Variants in IQCH observed in about 807,000 individuals in gnomAD.
IQCH encodes the protein IQ domain-containing protein H.
In IQCH, 98 loss-of-function variants were observed where a neutral mutation model predicts 117.0. The ratio of observed to expected loss-of-function variants is 0.84; its 90% CI spans 0.71 to 0.99. IQCH has a LOEUF of 0.99. Ranked by LOEUF, IQCH falls within the 50% of genes least tolerant of loss-of-function variation. IQCH has a pLI of 0.00. For missense variants in IQCH, 1,102 were observed against 1,243.8 expected, an observed-to-expected ratio of 0.89 and a Z score of 1.72; for synonymous variants, 412 against 448.2, an observed-to-expected ratio of 0.92 and a Z score of 1.02.
chr15:67,442,490 C>T (rs1478603180), intron 16 of IQCH, among the ~76,000 whole-genome samples: 1 of 151,860 alleles, frequency 6.6e-6, no homozygotes, highest in Non-Finnish European at 1.5e-5. Context: ...TACCACCTTA[C>T]TCCTGCAAGA....
Position 67,500,820 on chromosome 15 carries a change from TA to T in IQCH, c.*78del. The T allele has an allele frequency of 1.4e-6, 1 of 696,444 alleles. No individual in the cohort carries two copies. Among genetic ancestry groups the T allele is most frequent in the Non-Finnish European group, 2.4e-6 (1 of 422,754 alleles). The allele number at this position is 696,444 out of a possible 1,614,324, so 43.1% of individuals were successfully genotyped here. On this transcript the variant is annotated 3_prime_UTR_variant, in exon 21 of 21. Coordinates refer to ENST00000335894, the MANE Select transcript of IQCH (RefSeq NM_001031715.3). The surrounding 1 kb of genome is among the most constrained non-coding windows in gnomAD (Gnocchi z 4.4). ...GGGCAATTTTTTTTTCTGTTAGAAA[TA>T]AAAGCCAGGGGAAATTGGTTTGCTT... is the stretch of plus-strand genomic sequence containing the variant.
chr15:67,281,255 G>C (rs1567061452), intron 4 of IQCH, among the ~76,000 whole-genome samples: 1 of 152,106 alleles, frequency 6.6e-6, no homozygotes, highest in Non-Finnish European at 1.5e-5. Flanking sequence ...TGGGCCATAG[G>C]CTCTTGACCT....
chr15:67,454,352 G>A lies in IQCH; in HGVS notation c.2506-10775G>A, dbSNP rs565794189. Among the ~76,000 whole-genome samples, 17 of 152,312 alleles carry A rather than the reference G, an allele frequency of 1.1e-4. No homozygotes were observed. Among genetic ancestry groups the A allele is most frequent in the Admixed American group, 7.8e-4 (12 of 15,304 alleles). ...TGGGAGCTGTAGACCGGAGCTGTTC[G>A]TATTCGGCCATCTTGGCTCTGGTCT... is the stretch of plus-strand genomic sequence containing the variant. On this transcript the variant is annotated intron_variant, in intron 16 of 20. Coordinates refer to ENST00000335894, the MANE Select transcript of IQCH (RefSeq NM_001031715.3). This position sits in a 1 kb window ranked among gnomAD's most constrained non-coding sequence, Gnocchi z 5.2.
intron 18 of IQCH, among the ~76,000 whole-genome samples, chr15:67,482,627 T>C (rs1162929776): frequency 6.6e-6 from 1 of 152,236 alleles, no homozygotes; most frequent in Non-Finnish European, 1.5e-5. Context: ...TTTGCAAGTT[T>C]ACTAGCAAAA....
chr15:67,330,298 A>C (rs1968608218), intron 4 of IQCH, among the ~76,000 whole-genome samples: 1 of 152,218 alleles, frequency 6.6e-6, no homozygotes, highest in South Asian at 2.1e-4. Context: ...GATCCTTTAC[A>C]TAAAAATTAC....
At chr15:67,423,587 CAAA>C (rs551556730) in intron 16 of IQCH, among the ~76,000 whole-genome samples, 7 of 76,760 alleles carry the variant, frequency 9.1e-5, no homozygotes, top group Admixed American at 1.4e-4. Flanking sequence ...GAACCTGTCT[CAAA>C]AAAAAAAAAA....
chr15:67,343,502 T>C (rs1969258456), intron 5 of IQCH, among the ~76,000 whole-genome samples: 1 of 152,244 alleles, frequency 6.6e-6, no homozygotes, highest in Admixed American at 6.5e-5. Flanking sequence ...GAATTGTAAA[T>C]TAGTTACATT....
intron 10 of IQCH, among the ~76,000 whole-genome samples, chr15:67,383,714 T>A (rs1476843227): frequency 6.6e-6 from 1 of 152,188 alleles, no homozygotes; most frequent in African/African-American, 2.4e-5. Context: ...TATATTAGCT[T>A]TTATATGTGG....
At position 67,456,181 on chromosome 15, in the gene IQCH, C is replaced by T. The variant is rs2082653565; in HGVS notation, c.2506-8946C>T. Among the ~76,000 whole-genome samples, 1 of 151,974 alleles carries T rather than the reference C, an allele frequency of 6.6e-6. No homozygotes were observed. Among genetic ancestry groups the T allele is most frequent in the South Asian group, 2.1e-4 (1 of 4,824 alleles). On this transcript the variant is annotated intron_variant, in intron 16 of 20. Transcript: ENST00000335894. This position sits in a 1 kb window ranked among gnomAD's most constrained non-coding sequence, Gnocchi z 5.1. ...TTTACAAAGGTGAAAAGTATAAATA[C>T]AGCTGCCGATGATGAAAGTTTAAGT...
Position 67,426,278 on chromosome 15 carries a change from T to G in IQCH, c.2505+4701T>G, listed in dbSNP as rs368548625. On this transcript the variant is annotated intron_variant, in intron 16 of 20. Coordinates refer to ENST00000335894, the MANE Select transcript of IQCH (RefSeq NM_001031715.3). The surrounding 1 kb of genome is among the most constrained non-coding windows in gnomAD (Gnocchi z 5.1). ...ACATATATGCATATAAACACACATA[T>G]GTACATATACATACATCTGTGCATC... Among the ~76,000 whole-genome samples, 1 of 152,310 alleles carries G rather than the reference T, an allele frequency of 6.6e-6. No individual in the cohort carries two copies. Among genetic ancestry groups the G allele is most frequent in the African/African-American group, 2.4e-5 (1 of 41,566 alleles).
intron 5 of IQCH, among the ~76,000 whole-genome samples, chr15:67,339,507 C>T (rs1596212951): frequency 2.0e-5 from 3 of 152,258 alleles, no homozygotes; most frequent in African/African-American, 7.2e-5. Flanking sequence ...AATTTATTTT[C>T]ATGTCTATAG....
intron 4 of IQCH, among the ~76,000 whole-genome samples, chr15:67,299,044 A>G (rs1042542839): frequency 4.6e-5 from 7 of 151,478 alleles, no homozygotes; most frequent in Admixed American, 2.0e-4. Flanking sequence ...AATAAAGAAA[A>G]TGTGGCACTT....
intron 18 of IQCH, among the ~76,000 whole-genome samples, chr15:67,483,674 C>T (rs2083398203): frequency 6.6e-6 from 1 of 152,176 alleles, no homozygotes; most frequent in Non-Finnish European, 1.5e-5. Flanking sequence ...ATCCGCCCGC[C>T]TCGGCCTCCC....
intron 4 of IQCH, among the ~76,000 whole-genome samples, chr15:67,324,904 T>A (rs1340855663): frequency 6.6e-6 from 1 of 152,090 alleles, no homozygotes; most frequent in African/African-American, 2.4e-5. Flanking sequence ...TTTGTGTTTA[T>A]TCTGCTTGGG....
At chr15:67,347,155 A>G (rs55962710) in intron 6 of IQCH, among the ~76,000 whole-genome samples, 67,871 of 150,482 alleles carry the variant, frequency 0.45, 15,800 homozygotes, top group Non-Finnish European at 0.52. Context: ...AGCAAGCAGC[A>G]GATGGAAATA....
intron 3 of IQCH, among the ~76,000 whole-genome samples, chr15:67,274,158 A>G (rs1212677862): frequency 1.3e-5 from 2 of 152,072 alleles, no homozygotes; most frequent in African/African-American, 2.4e-5. Flanking sequence ...ATTTGGGTTG[A>G]ATCTATTTGG....
chr15:67,373,514 G>A, intron 10 of IQCH, 81 bp downstream of exon 10: 1 of 948,936 alleles, frequency 1.1e-6, no homozygotes. Flanking sequence ...TTCAAGGAAG[G>A]CCCCTTGTTT....
rs1969884811 is a variant in IQCH at position 67,356,221 on chromosome 15, T to C, written c.638-1124T>C. 6.6e-6 allele frequency among the ~76,000 whole-genome samples: 1 copy of C among 152,126 alleles called. No homozygotes were observed. Among genetic ancestry groups the C allele is most frequent in the African/African-American group, 2.4e-5 (1 of 41,418 alleles). On this transcript the variant is annotated intron_variant, in intron 6 of 20. Transcript: ENST00000335894. The surrounding 1 kb of genome is among the most constrained non-coding windows in gnomAD (Gnocchi z 5.3). ...AGCATAGAACTGAAGGCAAAAACTA[T>C]ACCCTTAAAATGGGGTCTTCATACA...
At chr15:67,498,770 A>G (rs2141116018) in intron 20 of IQCH, among the ~76,000 whole-genome samples, 1 of 152,352 alleles carries the variant, frequency 6.6e-6, no homozygotes, top group South Asian at 2.1e-4. Context: ...AACCAAAATA[A>G]AAATAGATAA....
Sources: allele counts gnomAD v4.1 joint callset (sites outside exome capture counted in the v4.1 genomes callset), GRCh38; gene constraint gnomAD v4.1.1; non-coding constraint Gnocchi (gnomAD v3.1); transcripts MANE v1.5; gene names NCBI Gene and HGNC (gene_info 2026-07-23, HGNC 2026-07-21).